The following VWA3B variants were observed in gnomAD, a reference collection of about 807,000 sequenced individuals.
VWA3B encodes the protein von Willebrand factor A domain containing 3B.
Under a neutral mutation model 158.3 loss-of-function variants are expected in VWA3B, and 138 were observed. The ratio of observed to expected loss-of-function variants is 0.87; its 90% CI spans 0.76 to 1.00. The LOEUF (loss-of-function observed/expected upper bound fraction) is 1.00, where lower values mean the gene tolerates loss of function less well. VWA3B is among the 50% of genes least tolerant of loss of function. VWA3B has a pLI of 0.00. For missense variants in VWA3B, 1,555 were observed against 1,565.1 expected, an observed-to-expected ratio of 0.99 and a Z score of 0.11; for synonymous variants, 596 against 587.3, an observed-to-expected ratio of 1.01 and a Z score of -0.21.
Position 98,312,642 on chromosome 2 carries a change from G to A in VWA3B, c.*293G>A. On this transcript the variant is annotated 3_prime_UTR_variant, in exon 28 of 28. Coordinates refer to ENST00000477737, the MANE Select transcript of VWA3B (RefSeq NM_144992.5). ...GCCCCACCCCCAGAAGTTTTAACCT[G>A]AAGGATGACTGTCACAGGACTTTCA... 5.9e-6 allele frequency: 2 copies of A among 339,732 alleles called. No homozygotes were observed. Among genetic ancestry groups the A allele is most frequent in the Non-Finnish European group, 1.1e-5 (2 of 186,788 alleles). The allele number at this position is 339,732 out of a possible 1,614,324, so 21.0% of individuals were successfully genotyped here. A position where few individuals can be genotyped will look rare whatever the true frequency, so the allele number is the denominator to read the frequency against.
At chr2:98,117,289 A>G (rs922013138) in intron 3 of VWA3B, among the ~76,000 whole-genome samples, 5 of 151,720 alleles carry the variant, frequency 3.3e-5, no homozygotes, top group Admixed American at 2.0e-4. Flanking sequence ...TTTTGTTTTT[A>G]TGTTCTTTAT....
intron 8 of VWA3B, among the ~76,000 whole-genome samples, chr2:98,180,487 TG>T (rs1376964844): frequency 6.6e-6 from 1 of 152,276 alleles, no homozygotes; most frequent in Non-Finnish European, 1.5e-5. Flanking sequence ...CCACCATGCC[TG>T]GCCTCACATA....
chr2:98,154,437 A>C (rs901535234), intron 7 of VWA3B, among the ~76,000 whole-genome samples: 1 of 152,136 alleles, frequency 6.6e-6, no homozygotes, highest in African/African-American at 2.4e-5. Flanking sequence ...CCCTTAGCGC[A>C]CACATTTATC....
rs1410917754 is a variant in VWA3B at position 98,239,530 on chromosome 2, T to G, written c.2673+2800T>G. On this transcript the variant is annotated intron_variant, in intron 19 of 27. Transcript: ENST00000477737. The stretch of plus-strand genomic sequence containing the variant: ...GGGTGGTGAGATTGTTGGGAGATGT[T>G]TTTTTTTTTTAAATTTATGTAGCTT... Among the ~76,000 whole-genome samples, 5 of 146,122 alleles carry G rather than the reference T, an allele frequency of 3.4e-5. No homozygotes were observed. The East Asian group carries it at 5.8e-4, about 17-fold the overall frequency.
chr2:98,197,250 G>A (rs1439333009), intron 12 of VWA3B, among the ~76,000 whole-genome samples: 1 of 152,176 alleles, frequency 6.6e-6, no homozygotes, highest in Admixed American at 6.5e-5. Flanking sequence ...ATGGATTTGG[G>A]GGAGGGAATA....
intron 25 of VWA3B, among the ~76,000 whole-genome samples, chr2:98,300,434 C>T (rs780066722): frequency 1.3e-5 from 2 of 152,192 alleles, no homozygotes; most frequent in African/African-American, 2.4e-5. Context: ...TCTTTGGCTC[C>T]CACTGCTGAA....
intron 26 of VWA3B, among the ~76,000 whole-genome samples, chr2:98,306,874 T>C (rs1690558094): frequency 6.6e-6 from 1 of 152,210 alleles, no homozygotes; most frequent in Admixed American, 6.5e-5. Context: ...CTTTTTTATG[T>C]TGGCTGCCTC....
intron 7 of VWA3B, among the ~76,000 whole-genome samples, chr2:98,144,165 ATATG>A (rs1403368902): frequency 3.9e-5 from 6 of 152,196 alleles, no homozygotes; most frequent in African/African-American, 1.4e-4. Context: ...GGATGGATAT[ATATG>A]TATGTATGCA....
intron 9 of VWA3B, 146 bp from the exon 10 acceptor site, chr2:98,187,829 A>T (rs765552024): frequency 7.4e-6 from 6 of 813,336 alleles, no homozygotes; most frequent in Non-Finnish European, 1.1e-5. Flanking sequence ...GCAGCGGAAC[A>T]TATTTGGTTG....
At chr2:98,124,265 G>T (rs1675191161) in intron 5 of VWA3B, among the ~76,000 whole-genome samples, 1 of 152,198 alleles carries the variant, frequency 6.6e-6, no homozygotes, top group Non-Finnish European at 1.5e-5. Flanking sequence ...TCATATTCTT[G>T]TGTTTGAGGG....
chr2:98,269,657 G>A (rs539569120), intron 21 of VWA3B, among the ~76,000 whole-genome samples: 9 of 152,156 alleles, frequency 5.9e-5, no homozygotes, highest in African/African-American at 2.2e-4. Context: ...AATGCAACAA[G>A]CTTTCTTACT....
chr2:98,143,074 C>CT (rs1676905893), intron 7 of VWA3B, among the ~76,000 whole-genome samples: 1 of 152,300 alleles, frequency 6.6e-6, no homozygotes, highest in African/African-American at 2.4e-5. Flanking sequence ...GGGAGTCTCT[C>CT]TGTCACCCAG....
rs186811089 is a variant in VWA3B, at chr2:98,130,191, T to C, written c.872+1783T>C. On this transcript the variant is annotated intron_variant, in intron 6 of 27. Transcript: ENST00000477737. The stretch of plus-strand genomic sequence containing the variant: ...AAGTGCTGCGCTTTTGATGTGCATA[T>C]ACATAAACATCTCAATGCCTTAAAG... Among the ~76,000 whole-genome samples the C allele has an allele frequency of 3.4e-3, 519 of 152,312 alleles. 3 individuals carry two copies. Among genetic ancestry groups the C allele is most frequent in the African/African-American group, 0.012 (498 of 41,568 alleles).
intron 12 of VWA3B, among the ~76,000 whole-genome samples, chr2:98,210,778 G>T (rs1334068945): frequency 6.6e-6 from 1 of 152,184 alleles, no homozygotes; most frequent in Non-Finnish European, 1.5e-5. Flanking sequence ...CTGTTCACCT[G>T]TGGAAGTTGA....
intron 9 of VWA3B, among the ~76,000 whole-genome samples, chr2:98,185,165 AC>A (rs1190544670): frequency 3.3e-5 from 5 of 152,142 alleles, no homozygotes; most frequent in African/African-American, 1.2e-4. Flanking sequence ...AAACTGTCTG[AC>A]CAGCCCCCCT....
chr2:98,197,465 C>T (rs1171854017), intron 12 of VWA3B, among the ~76,000 whole-genome samples: 2 of 152,140 alleles, frequency 1.3e-5, no homozygotes, highest in Non-Finnish European at 2.9e-5. Flanking sequence ...AGCTTTTGCC[C>T]ACAATTTTAG....
intron 7 of VWA3B, among the ~76,000 whole-genome samples, chr2:98,156,491 G>A (rs756795550): frequency 6.6e-6 from 1 of 152,074 alleles, no homozygotes; most frequent in East Asian, 1.9e-4. Flanking sequence ...ATGCCGGTGC[G>A]GGGTTGCTCC....
At chr2:98,109,879 A>T (rs1674006915) in intron 2 of VWA3B, among the ~76,000 whole-genome samples, 1 of 151,386 alleles carries the variant, frequency 6.6e-6, no homozygotes, top group South Asian at 2.1e-4. Flanking sequence ...CTATCATTAG[A>T]ATTTATTTTT....
intron 11 of VWA3B, 25 bp from the exon 12 acceptor site, chr2:98,194,336 G>A (rs1308298261): frequency 6.2e-7 from 1 of 1,609,006 alleles, no homozygotes; most frequent in South Asian, 1.1e-5. Flanking sequence ...TGGTTTTATG[G>A]TTAAATAATC....
Sources: gnomAD v4.1 joint callset for allele counts (sites outside exome capture counted in the v4.1 genomes callset) on GRCh38, gnomAD v4.1.1 for gene constraint, MANE v1.5 for transcripts, NCBI Gene and HGNC (gene_info 2026-07-23, HGNC 2026-07-21) for gene names.